The following PLEKHA6 variants were observed in gnomAD, a reference collection of about 807,000 sequenced individuals.
The protein encoded by PLEKHA6 is pleckstrin homology domain containing A6, also known as pleckstrin homology domain-containing family A member 6.
In PLEKHA6, 60 loss-of-function variants were observed where a neutral mutation model predicts 116.7. That is an observed-to-expected ratio of 0.51 (90% CI 0.42 to 0.64). The LOEUF (loss-of-function observed/expected upper bound fraction) is 0.64. Among genes scored for constraint, PLEKHA6 ranks in the 30% least tolerant of loss-of-function variants. PLEKHA6 has a pLI of 0.00. For synonymous variants in PLEKHA6, 489 were observed against 556.1 expected (o/e 0.88, Z 1.70); for missense variants, 1,338 against 1,422.7 (o/e 0.94, Z 0.96).
intron 1 of PLEKHA6, among the ~76,000 whole-genome samples, chr1:204,305,827 G>A (rs190884195): frequency 1.3e-5 from 2 of 152,264 alleles, no homozygotes; most frequent in Admixed American, 1.3e-4. Flanking sequence ...CCTAATAAAT[G>A]GCTGTGTGAT....
At chr1:204,256,961 G>T in intron 9 of PLEKHA6, 1 of 583,944 alleles carries the variant, frequency 1.7e-6, no homozygotes, top group Non-Finnish European at 3.0e-6. Context: ...TGAAGCTCAA[G>T]GTTAGAGGTA....
At position 204,259,202 on chromosome 1, in the gene PLEKHA6, GC is replaced by G; in HGVS notation, c.1007+55del. 1 of 1,563,320 alleles carries G rather than the reference GC, an allele frequency of 6.4e-7. No homozygotes were observed. The highest frequency in any genetic ancestry group is 8.7e-7 in the Non-Finnish European group (1 of 1,154,060). On this transcript the variant is annotated intron_variant, in intron 8 of 22. Transcript: ENST00000272203. This position sits in a 1 kb window ranked among gnomAD's most constrained non-coding sequence, Gnocchi z 4.6. ...TGCCTCGTGGGCTATGACCCCACTC[GC>G]ACGCTCTAGCCATAATACCATATCA... is the stretch of plus-strand genomic sequence containing the variant.
intron 1 of PLEKHA6, among the ~76,000 whole-genome samples, chr1:204,310,504 C>A (rs1196605110): frequency 6.6e-6 from 1 of 152,326 alleles, no homozygotes; most frequent in South Asian, 2.1e-4. Context: ...ACTCCCTCCC[C>A]TTCCCGCATT....
rs1033319596 is a variant in PLEKHA6 at position 204,333,444 on chromosome 1, A to G, written c.-95+26250T>C. Among the ~76,000 whole-genome samples the G allele has an allele frequency of 2.0e-5, 3 of 152,344 alleles. No homozygotes were observed. In the Middle Eastern group the frequency reaches 0.01, roughly 518 times the overall value. On this transcript the variant is annotated intron_variant, in intron 1 of 22. Transcript: ENST00000272203. ...TGCCTCTCCTAAGAACAATAACAAT[A>G]TTAATAATAATCTCTGACATTTGCA...
At chr1:204,234,982 AT>A (rs1558031159) in intron 17 of PLEKHA6, among the ~76,000 whole-genome samples, 618 of 19,950 alleles carry the variant, frequency 0.031, 55 homozygotes, top group African/African-American at 0.11. Context: ...ATATATATAT[AT>A]ATATATATAT....
chr1:204,370,819 C>T (rs941232290), intron 2 of PLEKHA6, among the ~76,000 whole-genome samples: 5 of 152,038 alleles, frequency 3.3e-5, no homozygotes, highest in African/African-American at 7.2e-5. Context: ...TTTGGGAAGT[C>T]GAGGTGGGTG....
chr1:204,330,183 A>G (rs1672397314), intron 1 of PLEKHA6, among the ~76,000 whole-genome samples: 1 of 152,180 alleles, frequency 6.6e-6, no homozygotes, highest in South Asian at 2.1e-4. Flanking sequence ...AAAAAGCTGC[A>G]AGGTGGGGTT....
At chr1:204,241,278 AATTTC>A in intron 17 of PLEKHA6, 92 bp downstream of exon 17, 1 of 752,894 alleles carries the variant, frequency 1.3e-6, no homozygotes. Context: ...TCCAGCCCTG[AATTTC>A]TTGAACAGCA....
rs1224350972 is a variant in PLEKHA6 at position 204,230,608 on chromosome 1, GCT to G, written c.2410-24_2410-23del. 3 of 1,582,482 alleles carry G rather than the reference GCT, an allele frequency of 1.9e-6. No homozygotes were observed. In the Admixed American group the frequency reaches 5.4e-5, roughly 29 times the overall value. Reference sequence around the variant, plus strand: ...GTTCCTGCTGCCATGGGAAAACAGGGCTCTGACAAGTGCCTTATCCCCCACCC... The same window carrying G: ...GTTCCTGCTGCCATGGGAAAACAGGGCTGACAAGTGCCTTATCCCCCACCC... On this transcript the variant is annotated intron_variant, in intron 17 of 22. Transcript: ENST00000272203.
chr1:204,353,688 G>T (rs1180188512), intron 1 of PLEKHA6, among the ~76,000 whole-genome samples: 2 of 152,148 alleles, frequency 1.3e-5, no homozygotes, highest in African/African-American at 4.8e-5. Flanking sequence ...ATAAGGGCAG[G>T]GTGGGAACTA....
At position 204,265,038 on chromosome 1, in the gene PLEKHA6, C is replaced by T. The variant is rs1307603533; in HGVS notation, c.285G>A (p.Glu95=). The change falls in exon 6 of 23, where the codon GAG becomes GAA. Residue 95 remains glutamate, a synonymous_variant. Coordinates refer to ENST00000272203, the MANE Select transcript of PLEKHA6 (RefSeq NM_014935.5). ...TGCTGCCCAGGATACTCTCTTCCTT[C>T]TCATCTGTCAGGGAGAGAGGCACAA... ...VDRCLFYYKD[E]KEESILGSIP... is the part of the protein sequence containing the mutation. 5 of 1,611,492 alleles carry T rather than the reference C, an allele frequency of 3.1e-6. No homozygotes were observed. Among genetic ancestry groups the T allele is most frequent in the Non-Finnish European group, 4.2e-6 (5 of 1,177,912 alleles).
At chr1:204,282,282 A>T (rs1668708535) in intron 1 of PLEKHA6, among the ~76,000 whole-genome samples, 1 of 152,170 alleles carries the variant, frequency 6.6e-6, no homozygotes, top group African/African-American at 2.4e-5. Flanking sequence ...ATACAGGGGA[A>T]CTTCATCCTG....
At chr1:204,275,403 T>C (rs1238023796) in intron 1 of PLEKHA6, among the ~76,000 whole-genome samples, 2 of 152,164 alleles carry the variant, frequency 1.3e-5, no homozygotes, top group Non-Finnish European at 2.9e-5. Context: ...CATTGAGACC[T>C]CAGGGGCTGT....
At position 204,259,791 on chromosome 1, in the gene PLEKHA6, T is replaced by C; in HGVS notation, c.525-51A>G. ...TCAGTGACTCTAGCCCAGCATGGAG[T>C]GGGGCAGGGGGTGCCAGACTGGGAA... On this transcript the variant is annotated intron_variant, in intron 7 of 22. Transcript: ENST00000272203. The surrounding 1 kb of genome is among the most constrained non-coding windows in gnomAD (Gnocchi z 4.6). 1 of 1,546,420 alleles carries C rather than the reference T, an allele frequency of 6.5e-7. No homozygotes were observed. The highest frequency in any genetic ancestry group is 8.7e-7 in the Non-Finnish European group (1 of 1,147,062).
Position 204,261,518 on chromosome 1 carries a change from G to A in PLEKHA6, c.382-70C>T. The A allele has an allele frequency of 6.7e-7, 1 of 1,497,696 alleles. No homozygotes were observed. Among genetic ancestry groups the A allele is most frequent in the Admixed American group, 2.1e-5 (1 of 46,982 alleles). The allele number at this position is 1,497,696 out of a possible 1,614,324, so 92.8% of individuals were successfully genotyped here. On this transcript the variant is annotated intron_variant, in intron 6 of 22. Transcript: ENST00000272203. This position sits in a 1 kb window ranked among gnomAD's most constrained non-coding sequence, Gnocchi z 4.0. ...CCCAGCACACAGTCACCTGTTGGGA[G>A]AAGACACCAACGCCCACAGAATGGG...
At chr1:204,232,386 T>C (rs1041552108) in intron 17 of PLEKHA6, among the ~76,000 whole-genome samples, 23 of 152,180 alleles carry the variant, frequency 1.5e-4, no homozygotes, top group African/African-American at 4.8e-4. Flanking sequence ...GTAGGAAAAG[T>C]GTGCCCTAGA....
chr1:204,363,333 G>A (rs2103397672), upstream of PLEKHA6, among the ~76,000 whole-genome samples: 1 of 152,334 alleles, frequency 6.6e-6, no homozygotes, highest in African/African-American at 2.4e-5. Flanking sequence ...TGAGCAGCCC[G>A]TAGGCGCGCC....
intron 1 of PLEKHA6, chr1:204,307,740 C>A (rs1197785105): frequency 6.0e-6 from 2 of 335,430 alleles, no homozygotes; most frequent in African/African-American, 4.5e-5. Context: ...TGCAGCAACT[C>A]CTGAAACCCT....
chr1:204,303,029 G>A (rs1297536773), intron 1 of PLEKHA6, among the ~76,000 whole-genome samples: 5 of 152,150 alleles, frequency 3.3e-5, no homozygotes, highest in Non-Finnish European at 7.3e-5. Context: ...ACACTTCTTG[G>A]ATCCTTTTCT....
Sources: allele counts gnomAD v4.1 joint callset (sites outside exome capture counted in the v4.1 genomes callset), GRCh38; gene constraint gnomAD v4.1.1; non-coding constraint Gnocchi (gnomAD v3.1); transcripts MANE v1.5; gene names NCBI Gene and HGNC (gene_info 2026-07-23, HGNC 2026-07-21).